Variants in SLC7A1 observed in about 807,000 individuals in gnomAD.
SLC7A1 encodes solute carrier family 7 member 1.
A neutral mutation model predicts 53.9 loss-of-function variants in SLC7A1; 10 were observed. The ratio of observed to expected loss-of-function variants is 0.19; its 90% confidence interval spans 0.11 to 0.31. The LOEUF (loss-of-function observed/expected upper bound fraction) is 0.31. Among genes scored for constraint, SLC7A1 ranks in the 10% least tolerant of loss-of-function variants. The pLI is 1.00. For missense variants in SLC7A1, 525 were observed against 827.2 expected (o/e 0.63, Z 4.48); for synonymous variants, 342 against 338.7 (o/e 1.01, Z -0.11).
chr13:29,573,659 C>T (rs1871292420), intron 1 of SLC7A1, among the ~76,000 whole-genome samples: 1 of 152,164 alleles, frequency 6.6e-6, no homozygotes, highest in Non-Finnish European at 1.5e-5. Context: ...ATGTGAATGA[C>T]CAATAATTGG....
Position 29,509,465 on chromosome 13 carries a change from CAA to C in SLC7A1, c.*5013_*5014del, listed in dbSNP as rs1297053399. On this transcript the variant is annotated 3_prime_UTR_variant, in exon 13 of 13. Coordinates refer to ENST00000380752, the MANE Select transcript of SLC7A1 (RefSeq NM_003045.5). ...TGCAGAAGCATGAGATAATGTACCA[CAA>C]AAGAGTTTGATTTTACAACATAAAG... The C allele has an allele frequency of 3.3e-5, 5 of 152,556 alleles. No individual in the cohort carries two copies. The East Asian group carries it at 5.8e-4, about 18-fold the overall frequency. 9.5% of individuals were successfully genotyped at this position (152,556 alleles called of 1,614,324 possible).
chr13:29,532,735 G>T, intron 4 of SLC7A1, 89 bp downstream of exon 4: 1 of 1,174,998 alleles, frequency 8.5e-7, no homozygotes, highest in Non-Finnish European at 1.2e-6. Flanking sequence ...TGGTTAAAGA[G>T]ATAAGTAAAG....
chr13:29,567,466 C>T (rs145827688), intron 1 of SLC7A1, among the ~76,000 whole-genome samples: 6 of 152,314 alleles, frequency 3.9e-5, no homozygotes, highest in South Asian at 2.1e-4. Flanking sequence ...GCAAAAAAGT[C>T]ATCCGGGAGG....
intron 1 of SLC7A1, among the ~76,000 whole-genome samples, chr13:29,584,272 C>T (rs1350949181): frequency 6.6e-6 from 1 of 152,172 alleles, no homozygotes; most frequent in Non-Finnish European, 1.5e-5. Flanking sequence ...GCTAGGACTA[C>T]AGCTACTCGG....
intron 1 of SLC7A1, among the ~76,000 whole-genome samples, chr13:29,565,515 A>T (rs1490177410): frequency 2.6e-5 from 4 of 152,218 alleles, no homozygotes; most frequent in African/African-American, 7.2e-5. Context: ...CACCTTCTCC[A>T]GGACCTCTTA....
At chr13:29,554,235 C>T (rs1198588129) in intron 1 of SLC7A1, among the ~76,000 whole-genome samples, 3 of 152,188 alleles carry the variant, frequency 2.0e-5, no homozygotes, top group East Asian at 1.9e-4. Flanking sequence ...TGAAGGGGAA[C>T]GAGTCCGCTC....
rs190626499 is a variant in SLC7A1 at position 29,554,197 on chromosome 13, A to G, written c.-114-337T>C. 4.3e-3 allele frequency among the ~76,000 whole-genome samples: 655 copies of G among 152,326 alleles called. 5 individuals carry two copies. Among genetic ancestry groups the G allele is most frequent in the African/African-American group, 0.015 (617 of 41,574 alleles). On this transcript the variant is annotated intron_variant, in intron 1 of 12. Coordinates refer to ENST00000380752, the MANE Select transcript of SLC7A1 (RefSeq NM_003045.5). Reference sequence around the variant, plus strand: ...TCTAGGGCATAGTCGTAGGCATGCAAAAGCTCTGAGGCCCCGGTCAGGCGC... The same window carrying G: ...TCTAGGGCATAGTCGTAGGCATGCAGAAGCTCTGAGGCCCCGGTCAGGCGC...
chr13:29,580,849 A>G (rs1230772131), intron 1 of SLC7A1, among the ~76,000 whole-genome samples: 3 of 152,258 alleles, frequency 2.0e-5, no homozygotes, highest in South Asian at 2.1e-4. Context: ...CCATGATGGG[A>G]TTTTCAACAA....
intron 2 of SLC7A1, among the ~76,000 whole-genome samples, chr13:29,541,707 C>T (rs1869674658): frequency 6.6e-6 from 1 of 152,144 alleles, no homozygotes; most frequent in South Asian, 2.1e-4. Flanking sequence ...TAACATCATT[C>T]TGGATGTTAA....
chr13:29,572,772 G>A (rs1303303363), intron 1 of SLC7A1, among the ~76,000 whole-genome samples: 2 of 152,170 alleles, frequency 1.3e-5, no homozygotes, highest in Non-Finnish European at 1.5e-5. Context: ...CCAGCACTGG[G>A]CGGGGAAGGT....
chr13:29,530,782 G>A (rs1869113221), intron 4 of SLC7A1, 70 bp from the exon 5 acceptor site: 1 of 1,352,672 alleles, frequency 7.4e-7, no homozygotes, highest in Non-Finnish European at 1.0e-6. Context: ...CTTCCTGGAT[G>A]GGGATAAGAA....
At chr13:29,544,331 T>C (rs566862853) in intron 2 of SLC7A1, among the ~76,000 whole-genome samples, 1 of 152,382 alleles carries the variant, frequency 6.6e-6, no homozygotes, top group African/African-American at 2.4e-5. Flanking sequence ...TTTTTGTTGT[T>C]ATTTTCTTCT....
In SLC7A1 at chr13:29,535,948, C is replaced by T; in HGVS notation, c.241G>A (p.Gly81Ser). The T allele has an allele frequency of 6.2e-7, 1 of 1,614,190 alleles. No individual in the cohort carries two copies. The highest frequency in any genetic ancestry group is 2.2e-5 in the East Asian group (1 of 44,876). The change falls in exon 3 of 13, where the codon GGC (glycine) becomes AGC (serine). Residue 81 changes from glycine to serine, a missense_variant. Physicochemically the swap from Gly to Ser is moderately conservative, Grantham distance 56. Coordinates refer to ENST00000380752, the MANE Select transcript of SLC7A1 (RefSeq NM_003045.5). ...GCACCAAACTCGCCATAGCACAGGC[C>T]AGCCAGCACTGAGGCCAGCGCAGCG... ...LIAALASVLA[G>S]LCYGEFGARV... is the part of the protein sequence containing the mutation.
chr13:29,576,293 T>TAAAAAAAAAAAAAAAAAAA (rs3069134), intron 1 of SLC7A1, among the ~76,000 whole-genome samples: 2 of 124,948 alleles, frequency 1.6e-5, no homozygotes, highest in South Asian at 2.5e-4. Flanking sequence ...TCCTGTTTTT[T>TAAAAAAAAAAAAAAAAAAA]AAAAAAAAAA....
chr13:29,513,670 G>A lies in SLC7A1; in HGVS notation c.*810C>T, dbSNP rs1247605096. ...TCATGTTCCAGTTACTCAGGACACA[G>A]CCAGTCGGGGGAGACGGCAGGAGCA... is the stretch of plus-strand genomic sequence containing the variant. On this transcript the variant is annotated 3_prime_UTR_variant, in exon 13 of 13. Transcript: ENST00000380752. The A allele has an allele frequency of 6.5e-6, 1 of 152,824 alleles. No homozygotes were observed. Among genetic ancestry groups the A allele is most frequent in the Non-Finnish European group, 1.5e-5 (1 of 68,188 alleles). The allele number at this position is 152,824 out of a possible 1,614,324, so 9.5% of individuals were successfully genotyped here.
At chr13:29,561,803 C>T (rs1212582296) in intron 1 of SLC7A1, among the ~76,000 whole-genome samples, 1 of 152,144 alleles carries the variant, frequency 6.6e-6, no homozygotes, top group Non-Finnish European at 1.5e-5. Context: ...TTGTGATGGG[C>T]CCCACACATG....
chr13:29,527,561 A>T (rs1164031561), intron 5 of SLC7A1, among the ~76,000 whole-genome samples: 2 of 152,206 alleles, frequency 1.3e-5, no homozygotes, highest in Non-Finnish European at 2.9e-5. Flanking sequence ...TCACATGTGA[A>T]AGAGAGGGGC....
At chr13:29,560,931 G>A (rs558378409) in intron 1 of SLC7A1, among the ~76,000 whole-genome samples, 4 of 152,146 alleles carry the variant, frequency 2.6e-5, no homozygotes, top group Admixed American at 6.5e-5. Flanking sequence ...TTTCCACTAA[G>A]TACACTTATA....
chr13:29,555,720 G>A (rs944279752), intron 1 of SLC7A1, among the ~76,000 whole-genome samples: 34 of 152,284 alleles, frequency 2.2e-4, no homozygotes, highest in African/African-American at 7.2e-4. Flanking sequence ...CATTTGCTGC[G>A]AGTGATAAAA....
Sources: gnomAD v4.1 joint callset for allele counts (sites outside exome capture counted in the v4.1 genomes callset) on GRCh38, gnomAD v4.1.1 for gene constraint, MANE v1.5 for transcripts, NCBI Gene and HGNC (gene_info 2026-07-23, HGNC 2026-07-21) for gene names.